Variants in ASPRV1 observed in about 807,000 individuals in gnomAD.
ASPRV1 encodes the protein retroviral-like aspartic protease 1.
ASPRV1 carries 7 observed loss-of-function variants against 11.0 expected under a neutral mutation model. The ratio of observed to expected loss-of-function variants is 0.64; its 90% confidence interval spans 0.36 to 1.20. The LOEUF (loss-of-function observed/expected upper bound fraction) is 1.20. Ranked by LOEUF, ASPRV1 falls within the 50% of genes most tolerant of loss-of-function variation. The pLI is 0.02. For synonymous variants in ASPRV1, 136 were observed against 138.4 expected, an observed-to-expected ratio of 0.98 and a Z score of 0.12; for missense variants, 299 against 320.0, an observed-to-expected ratio of 0.93 and a Z score of 0.50.
the ASPRV1 span, among the ~76,000 whole-genome samples, chr2:70,085,299 A>G: frequency 4.6e-5 from 7 of 152,282 alleles, no homozygotes; most frequent in African/African-American, 1.7e-4. Flanking sequence ...GCCTCTGGGC[A>G]GGCTGAATCA....
chr2:69,943,501 G>A, the ASPRV1 span, among the ~76,000 whole-genome samples: 90 of 152,294 alleles, frequency 5.9e-4, no homozygotes, highest in African/African-American at 2.0e-3. Flanking sequence ...GTCCAGCTTC[G>A]TGGGGCTGCG....
the ASPRV1 span, chr2:69,996,678 G>C: frequency 2.2e-6 from 1 of 456,468 alleles, no homozygotes; most frequent in East Asian, 6.9e-5. Context: ...AATGACTTAA[G>C]TTCTTACCAA....
the ASPRV1 span, among the ~76,000 whole-genome samples, chr2:70,002,037 A>T: frequency 6.6e-6 from 1 of 152,228 alleles, no homozygotes; most frequent in African/African-American, 2.4e-5. Flanking sequence ...ATCTTAAAGG[A>T]TATAACCAAA....
At chr2:69,940,282 G>C in the ASPRV1 span, 1 of 151,970 alleles carries the variant, frequency 6.6e-6, no homozygotes, top group South Asian at 2.1e-4. Flanking sequence ...AGTGTTCAAA[G>C]AGCCAGTTCA....
chr2:70,054,850 A>G, the ASPRV1 span, among the ~76,000 whole-genome samples: 1 of 152,294 alleles, frequency 6.6e-6, no homozygotes, highest in South Asian at 2.1e-4. Context: ...ATCATTCACA[A>G]GACAAAAAAG....
the ASPRV1 span, among the ~76,000 whole-genome samples, chr2:69,970,070 C>A: frequency 8.5e-5 from 13 of 152,074 alleles, no homozygotes; most frequent in African/African-American, 3.1e-4. Flanking sequence ...TACTATCTAG[C>A]CAGCCCTCGG....
rs756531444 is a variant in ASPRV1, at chr2:69,960,843, G to A, written c.594C>T (p.Ala198=). 3.1e-6 allele frequency: 5 copies of A among 1,614,026 alleles called. No individual in the cohort carries two copies. Among genetic ancestry groups the A allele is most frequent in the Non-Finnish European group, 4.2e-6 (5 of 1,180,032 alleles). The change falls in exon 1 of 1, where the codon GCC becomes GCT. Residue 198 remains alanine, a synonymous_variant. Transcript: ENST00000320256. The part of the protein sequence containing the change: ...FLVANASAEE[A]IIGTDVLQDH... ...CCTGGAGCACATCAGTGCCAATGAT[G>A]GCTTCCTCGGCACTCGCATTGGCCA... is the stretch of plus-strand genomic sequence containing the variant.
At chr2:70,032,820 A>G in the ASPRV1 span, among the ~76,000 whole-genome samples, 3 of 152,178 alleles carry the variant, frequency 2.0e-5, no homozygotes, top group Non-Finnish European at 4.4e-5. Flanking sequence ...TAGCATCCTC[A>G]GGTTCTGTGT....
chr2:69,958,170 C>G (rs1245845294), downstream of ASPRV1, among the ~76,000 whole-genome samples: 1 of 152,216 alleles, frequency 6.6e-6, no homozygotes, highest in Admixed American at 6.5e-5. Context: ...CTGGGTTCCA[C>G]GTTGACGCAT....
At chr2:70,007,556 G>C in the ASPRV1 span, among the ~76,000 whole-genome samples, 10 of 150,898 alleles carry the variant, frequency 6.6e-5, no homozygotes, top group East Asian at 1.9e-3. Flanking sequence ...AATAAGTAGA[G>C]CGTATTTAAT....
the ASPRV1 span, among the ~76,000 whole-genome samples, chr2:69,983,269 T>A: frequency 4.6e-5 from 7 of 152,236 alleles, no homozygotes; most frequent in Non-Finnish European, 1.0e-4. Context: ...TTGTACTGGA[T>A]GCTCAAGTTC....
the ASPRV1 span, among the ~76,000 whole-genome samples, chr2:69,943,407 TGGA>T: frequency 2.6e-5 from 4 of 152,130 alleles, no homozygotes; most frequent in Admixed American, 6.5e-5. Flanking sequence ...AGCTGGGCCC[TGGA>T]GGAGGAGTGA....
At chr2:70,056,901 AT>A in the ASPRV1 span, among the ~76,000 whole-genome samples, 2 of 151,618 alleles carry the variant, frequency 1.3e-5, no homozygotes, top group African/African-American at 4.8e-5. Context: ...CACCCAGCTA[AT>A]TTTTTTGTAT....
downstream of ASPRV1, among the ~76,000 whole-genome samples, chr2:69,957,681 G>A (rs530104956): frequency 6.6e-6 from 1 of 151,934 alleles, no homozygotes; most frequent in South Asian, 2.1e-4. Flanking sequence ...AGGCTCGCAG[G>A]TGATGCTGAT....
chr2:70,008,238 T>G, the ASPRV1 span, among the ~76,000 whole-genome samples: 1 of 152,198 alleles, frequency 6.6e-6, no homozygotes, highest in East Asian at 1.9e-4. Context: ...TCTTATTAAT[T>G]TTTTTAAGTG....
At chr2:70,067,712 A>T in the ASPRV1 span, among the ~76,000 whole-genome samples, 1 of 152,216 alleles carries the variant, frequency 6.6e-6, no homozygotes, top group Non-Finnish European at 1.5e-5. Flanking sequence ...TTCTGGGTTC[A>T]TACATGTGTA....
At chr2:70,051,990 G>A in the ASPRV1 span, among the ~76,000 whole-genome samples, 2 of 151,942 alleles carry the variant, frequency 1.3e-5, no homozygotes, top group African/African-American at 4.8e-5. Context: ...AAAAGGGGTA[G>A]AAACACTCAT....
At chr2:69,948,443 A>G in the ASPRV1 span, among the ~76,000 whole-genome samples, 9 of 152,126 alleles carry the variant, frequency 5.9e-5, no homozygotes, top group Admixed American at 2.0e-4. Flanking sequence ...CACATTCTCT[A>G]CATCTAGGGA....
the ASPRV1 span, among the ~76,000 whole-genome samples, chr2:69,998,688 C>A: frequency 6.7e-6 from 1 of 149,928 alleles, no homozygotes; most frequent in Admixed American, 6.6e-5. Context: ...GAGATCACGC[C>A]ACTGCACTCC....
Sources: gnomAD v4.1 joint callset for allele counts (sites outside exome capture counted in the v4.1 genomes callset) on GRCh38, gnomAD v4.1.1 for gene constraint, MANE v1.5 for transcripts, NCBI Gene and HGNC (gene_info 2026-07-23, HGNC 2026-07-21) for gene names.